PLEKHG4B: variants seen among roughly 807,000 people sequenced by gnomAD.
PLEKHG4B encodes pleckstrin homology and RhoGEF domain containing G4B, also known as pleckstrin homology domain-containing family G member 4B.
Under a neutral mutation model 121.3 loss-of-function variants are expected in PLEKHG4B, and 111 were observed. The ratio of observed to expected loss-of-function variants is 0.92; its 90% CI spans 0.78 to 1.07. The LOEUF is 1.07. PLEKHG4B is among the 50% of genes least tolerant of loss of function. PLEKHG4B has a pLI of 0.00. For synonymous variants in PLEKHG4B, 738 were observed against 725.0 expected (o/e 1.02, Z -0.29); for missense variants, 1,831 against 1,757.8 (o/e 1.04, Z -0.74).
chr5:165,425 G>A (rs796953924), intron 13 of PLEKHG4B, among the ~76,000 whole-genome samples: 207 of 19,976 alleles, frequency 0.01, 3 homozygotes, highest in African/African-American at 0.015. Context: ...GACGGGGCGG[G>A]GCTCACACTA....
Position 161,497 on chromosome 5 carries a change from A to G in PLEKHG4B, c.2488-286A>G, listed in dbSNP as rs1265050998. ...TGCAGCGTGTACTCAGGACATGACC[A>G]AGACGCATCCCTCCCTCGGTCCTGC... On this transcript the variant is annotated intron_variant, in intron 11 of 19. Transcript: ENST00000637938. Among the ~76,000 whole-genome samples, 5 of 152,348 alleles carry G rather than the reference A, an allele frequency of 3.3e-5. No homozygotes were observed. In the East Asian group the frequency reaches 9.6e-4, roughly 29 times the overall value.
rs576581494 is a variant in PLEKHG4B, at chr5:148,505, A to G, written c.1906-3008A>G. Among the ~76,000 whole-genome samples the G allele has an allele frequency of 3.9e-4, 60 of 152,348 alleles. 1 individual carries two copies. The highest frequency in any genetic ancestry group is 1.4e-3 in the African/African-American group (58 of 41,592). On this transcript the variant is annotated intron_variant, in intron 6 of 19. Coordinates refer to ENST00000637938, the MANE Select transcript of PLEKHG4B (RefSeq NM_052909.5). ...ACAATAGCATCAAAAAGAATAAAGT[A>G]CTTAGGAATTAACCAAAGAAGTGAA...
chr5:122,980 C>G (rs1350642551), intron 2 of PLEKHG4B, among the ~76,000 whole-genome samples: 1 of 152,162 alleles, frequency 6.6e-6, no homozygotes, highest in African/African-American at 2.4e-5. Context: ...CCTCTCCTCT[C>G]AGCAATTCAT....
chr5:172,005 C>T (rs944535041), intron 16 of PLEKHG4B, among the ~76,000 whole-genome samples: 4 of 152,220 alleles, frequency 2.6e-5, no homozygotes, highest in African/African-American at 4.8e-5. Context: ...CAAAAGGCCA[C>T]GGGTGAGCTG....
At chr5:134,805 G>C (rs1734902722) in intron 2 of PLEKHG4B, among the ~76,000 whole-genome samples, 1 of 150,554 alleles carries the variant, frequency 6.6e-6, no homozygotes, top group Non-Finnish European at 1.5e-5. Flanking sequence ...AAACCTGTTA[G>C]AAATAATAAT....
chr5:160,506 G>A (rs1368220900), intron 11 of PLEKHG4B, among the ~76,000 whole-genome samples: 2 of 152,094 alleles, frequency 1.3e-5, no homozygotes, highest in Non-Finnish European at 2.9e-5. Context: ...TGCGACAGCT[G>A]GACATTCTCT....
At position 181,644 on chromosome 5, in the gene PLEKHG4B, C is replaced by T; in HGVS notation, c.4533C>T (p.Asp1511=). 6.2e-7 allele frequency: 1 copy of T among 1,613,792 alleles called. No individual in the cohort carries two copies. The highest frequency in any genetic ancestry group is 1.1e-5 in the South Asian group (1 of 91,070). The change falls in exon 19 of 20, where the codon GAC becomes GAT. Residue 1511 remains aspartate, a synonymous_variant. Transcript: ENST00000637938. ...CTCCCAAATGTGCAGTGATGAGCGA[C>T]CGAGTCCCCGACAGCATCGTCAAGG... ...DRAPKCAVMS[D]RVPDSIVKGT... is the part of the protein sequence containing the mutation.
At chr5:110,837 C>G (rs1734136679) in intron 1 of PLEKHG4B, among the ~76,000 whole-genome samples, 1 of 152,276 alleles carries the variant, frequency 6.6e-6, no homozygotes, top group Non-Finnish European at 1.5e-5. Context: ...AACTGGAAGG[C>G]CCTCGGGTTT....
Position 139,078 on chromosome 5 carries a change from T to C in PLEKHG4B, c.244-405T>C, listed in dbSNP as rs1735068316. Among the ~76,000 whole-genome samples, 2 of 152,222 alleles carry C rather than the reference T, an allele frequency of 1.3e-5. No individual in the cohort carries two copies. The highest frequency in any genetic ancestry group is 2.1e-4 in the South Asian group (1 of 4,820). ...GGAGTGCAGAGGAGGGAGCCCCCCA[T>C]AGGGTGGCCCTGACCAGGGCTGGCA... On this transcript the variant is annotated intron_variant, in intron 2 of 19. Transcript: ENST00000637938. The surrounding 1 kb of genome is among the most constrained non-coding windows in gnomAD (Gnocchi z 5.0).
rs778217638 is a variant in PLEKHG4B, at chr5:169,473, C to T, written c.3610C>T (p.His1204Tyr). 4 of 1,614,234 alleles carry T rather than the reference C, an allele frequency of 2.5e-6. No homozygotes were observed. In the South Asian group the frequency reaches 4.4e-5, roughly 18 times the overall value. ...MDLPQGLRGK[H>Y]HVIFGNLEKL... ...CTTGCCCCAGGGCCTTCGAGGGAAG[C>T]ACCACGTTATTTTCGGCAACTTGGA... Residue 1204 changes from histidine (H) to tyrosine (Y), a missense_variant, in exon 14 of 20, where the codon CAC becomes TAC. Transcript: ENST00000637938.
At chr5:153,619 C>G (rs1045236435) in intron 7 of PLEKHG4B, among the ~76,000 whole-genome samples, 2 of 152,202 alleles carry the variant, frequency 1.3e-5, no homozygotes, top group African/African-American at 4.8e-5. Context: ...GCCACCCCAC[C>G]CCGTCCTCTG....
chr5:144,771 T>C, intron 5 of PLEKHG4B, 56 bp from the exon 6 acceptor site: 1 of 1,492,020 alleles, frequency 6.7e-7, no homozygotes. Flanking sequence ...GAGAAACTCG[T>C]TCTTGTAAGA....
chr5:162,419 G>A (rs1247143219), intron 12 of PLEKHG4B, among the ~76,000 whole-genome samples: 5 of 152,224 alleles, frequency 3.3e-5, no homozygotes, highest in African/African-American at 9.6e-5. Flanking sequence ...CGTCTGCCCC[G>A]TCACGCCTCT....
intron 13 of PLEKHG4B, 65 bp downstream of exon 13, chr5:163,613 T>A: frequency 7.5e-7 from 1 of 1,328,068 alleles, no homozygotes; most frequent in Non-Finnish European, 1.0e-6. Flanking sequence ...CCAAAGCCAT[T>A]TAGGCAGTAA....
At chr5:130,462 C>G (rs1272110290) in intron 2 of PLEKHG4B, among the ~76,000 whole-genome samples, 1 of 152,206 alleles carries the variant, frequency 6.6e-6, no homozygotes, top group Non-Finnish European at 1.5e-5. Flanking sequence ...CCCCCATGCC[C>G]TGGGAGGTTA....
At chr5:131,348 G>C (rs887367215) in intron 2 of PLEKHG4B, among the ~76,000 whole-genome samples, 2 of 152,064 alleles carry the variant, frequency 1.3e-5, no homozygotes. Context: ...CCTATGACAG[G>C]GAACATGCAG....
chr5:164,596 C>CTG (rs139741779), intron 13 of PLEKHG4B, among the ~76,000 whole-genome samples: 5 of 45,108 alleles, frequency 1.1e-4, no homozygotes, highest in Non-Finnish European at 1.4e-4. Context: ...AATGCTGTGA[C>CTG]GGAGCGGAGC....
At chr5:142,304 TCA>T (rs1330416460) in intron 3 of PLEKHG4B, among the ~76,000 whole-genome samples, 3 of 152,074 alleles carry the variant, frequency 2.0e-5, no homozygotes, top group Non-Finnish European at 4.4e-5. Flanking sequence ...CCCCTCGCAG[TCA>T]CACACACGCC....
chr5:132,207 G>A (rs1734801198), intron 2 of PLEKHG4B, among the ~76,000 whole-genome samples: 1 of 151,736 alleles, frequency 6.6e-6, no homozygotes, highest in Non-Finnish European at 1.5e-5. Context: ...CATCCAAACT[G>A]GAAATTAAGA....
Sources: gnomAD v4.1 joint callset for allele counts (sites outside exome capture counted in the v4.1 genomes callset) on GRCh38, gnomAD v4.1.1 for gene constraint, Gnocchi (gnomAD v3.1) non-coding constraint, MANE v1.5 for transcripts, NCBI Gene and HGNC (gene_info 2026-07-23, HGNC 2026-07-21) for gene names.